Variants in CNIH3 observed in about 807,000 individuals in gnomAD.
CNIH3 encodes the protein cornichon family AMPA receptor auxiliary protein 3, also known as protein cornichon homolog 3.
CNIH3 carries 14 observed loss-of-function variants against 24.1 expected under a neutral mutation model. That is an observed-to-expected ratio of 0.58 (90% CI 0.38 to 0.91). CNIH3 has a LOEUF of 0.91. Ranked by LOEUF, CNIH3 falls within the 40% of genes least tolerant of loss-of-function variation. The pLI, the probability that CNIH3 is intolerant of heterozygous loss-of-function variation, is 0.00. For missense variants in CNIH3, 178 were observed against 196.8 expected, an observed-to-expected ratio of 0.90 and a Z score of 0.57; for synonymous variants, 68 against 73.8, an observed-to-expected ratio of 0.92 and a Z score of 0.40.
At chr1:224,538,394 G>A (rs1679375988), downstream of CNIH3, among the ~76,000 whole-genome samples, 2 of 152,194 alleles carry the variant, frequency 1.3e-5, no homozygotes, top group African/African-American at 4.8e-5. Flanking sequence ...AGTCTCTTAG[G>A]AGTGTGGAGG....
chr1:224,605,693 G>A (rs974815798), intron 3 of CNIH3, among the ~76,000 whole-genome samples: 5 of 151,894 alleles, frequency 3.3e-5, no homozygotes, highest in Non-Finnish European at 7.4e-5. Flanking sequence ...ACCCAGACCC[G>A]TGACTCAACC....
chr1:224,475,330 G>A (rs1171471803), intron 1 of CNIH3, among the ~76,000 whole-genome samples: 22 of 149,986 alleles, frequency 1.5e-4, no homozygotes, highest in African/African-American at 3.7e-4. Context: ...CAGTCCAGCC[G>A]GGGCGACAGA....
intron 3 of CNIH3, among the ~76,000 whole-genome samples, chr1:224,713,590 A>C (rs541280696): frequency 1.3e-5 from 2 of 152,288 alleles, no homozygotes; most frequent in East Asian, 3.9e-4. Flanking sequence ...TGTTGCAAGG[A>C]ATACATATGA....
upstream of CNIH3, among the ~76,000 whole-genome samples, chr1:224,511,458 T>C (rs1445256617): frequency 6.6e-6 from 1 of 152,248 alleles, no homozygotes; most frequent in Non-Finnish European, 1.5e-5. Context: ...CAGACCCGCA[T>C]GTGATCACAA....
chr1:224,505,016 C>T (rs1313787019), intron 1 of CNIH3, among the ~76,000 whole-genome samples: 2 of 98,570 alleles, frequency 2.0e-5, no homozygotes, highest in South Asian at 8.4e-4. Flanking sequence ...CTCCCTCCCT[C>T]CCTCCCTCCC....
At chr1:224,509,662 G>A (rs971865156) in intron 1 of CNIH3, among the ~76,000 whole-genome samples, 2 of 152,204 alleles carry the variant, frequency 1.3e-5, no homozygotes, top group Non-Finnish European at 2.9e-5. Flanking sequence ...CTCCCCAGGT[G>A]AGATCCTCCA....
chr1:224,499,105 A>C (rs1232198733), intron 1 of CNIH3, among the ~76,000 whole-genome samples: 1 of 152,238 alleles, frequency 6.6e-6, no homozygotes, highest in Non-Finnish European at 1.5e-5. Context: ...ACTCCGTTAA[A>C]GCTTATTGTT....
At chr1:224,583,479 C>G (rs543865481) in intron 5 of CNIH3, among the ~76,000 whole-genome samples, 35 of 152,244 alleles carry the variant, frequency 2.3e-4, no homozygotes, top group African/African-American at 8.4e-4. Flanking sequence ...CCCATCAACT[C>G]TCCCGTTCAT....
intron 3 of CNIH3, among the ~76,000 whole-genome samples, chr1:224,558,559 A>G (rs1397676604): frequency 2.0e-5 from 3 of 152,232 alleles, no homozygotes; most frequent in Admixed American, 6.5e-5. Context: ...TTATTTTATT[A>G]TCACTGTGTG....
chr1:224,585,504 G>A (rs1472326538), intron 5 of CNIH3, among the ~76,000 whole-genome samples: 3 of 151,514 alleles, frequency 2.0e-5, no homozygotes, highest in Non-Finnish European at 4.4e-5. Context: ...TTTGAGACAG[G>A]GCCCTGCTCC....
At chr1:224,648,168 C>T (rs1684701230) in intron 1 of CNIH3, among the ~76,000 whole-genome samples, 1 of 152,042 alleles carries the variant, frequency 6.6e-6, no homozygotes. Context: ...GGGATTCTTA[C>T]CAAGACCCCG....
intron 4 of CNIH3, among the ~76,000 whole-genome samples, chr1:224,582,052 A>G (rs1681297424): frequency 6.6e-6 from 1 of 152,170 alleles, no homozygotes; most frequent in Non-Finnish European, 1.5e-5. Context: ...GATAACAAAA[A>G]TTGGACAGAG....
intron 1 of CNIH3, among the ~76,000 whole-genome samples, chr1:224,480,776 A>G (rs1284611555): frequency 3.3e-5 from 5 of 152,218 alleles, no homozygotes; most frequent in Non-Finnish European, 7.3e-5. Flanking sequence ...CCATATCACT[A>G]TTAGGCTTTT....
At chr1:224,706,683 C>T (rs1362294895) in intron 3 of CNIH3, among the ~76,000 whole-genome samples, 6 of 152,156 alleles carry the variant, frequency 3.9e-5, no homozygotes, top group Admixed American at 3.9e-4. Context: ...TCTGGCCTCG[C>T]TCTTTCATCG....
At chr1:224,644,677 C>A (rs1684518098) in intron 1 of CNIH3, among the ~76,000 whole-genome samples, 1 of 151,986 alleles carries the variant, frequency 6.6e-6, no homozygotes, top group South Asian at 2.1e-4. Context: ...CCACAGATAC[C>A]TGACTGCTGT....
At chr1:224,441,614 A>G (rs889973711) in intron 1 of CNIH3, among the ~76,000 whole-genome samples, 29 of 152,364 alleles carry the variant, frequency 1.9e-4, no homozygotes, top group South Asian at 1.9e-3. Flanking sequence ...ATGACTGTTA[A>G]CAACAAATTC....
At chr1:224,590,966 C>CAT (rs1681732526), downstream of CNIH3, among the ~76,000 whole-genome samples, 1 of 152,108 alleles carries the variant, frequency 6.6e-6, no homozygotes, top group Non-Finnish European at 1.5e-5. Flanking sequence ...CCTAAAGTTA[C>CAT]ATATATAGAA....
chr1:224,612,860 C>T (rs1409368289), upstream of CNIH3, among the ~76,000 whole-genome samples: 1 of 151,838 alleles, frequency 6.6e-6, no homozygotes, highest in African/African-American at 2.4e-5. This position sits in a 1 kb window ranked among gnomAD's most constrained non-coding sequence, Gnocchi z 4.7. Flanking sequence ...TTATACAGTA[C>T]AATTACTACA....
At chr1:224,640,291 C>G (rs1280908864) in intron 1 of CNIH3, among the ~76,000 whole-genome samples, 1 of 152,234 alleles carries the variant, frequency 6.6e-6, no homozygotes, top group Non-Finnish European at 1.5e-5. Context: ...CTGAGCGGCA[C>G]TTTTCTCATC....
Sources: gnomAD v4.1 joint callset for allele counts (sites outside exome capture counted in the v4.1 genomes callset) on GRCh38, gnomAD v4.1.1 for gene constraint, Gnocchi (gnomAD v3.1) non-coding constraint, MANE v1.5 for transcripts, NCBI Gene and HGNC (gene_info 2026-07-23, HGNC 2026-07-21) for gene names.